The following ZNF329 variants were observed in gnomAD, a reference collection of about 807,000 sequenced individuals.
ZNF329 encodes zinc finger protein 329.
Under a neutral mutation model 26.6 loss-of-function variants are expected in ZNF329, and 15 were observed. The observed-to-expected ratio is 0.56, with a 90% CI of 0.38 to 0.87. The LOEUF is 0.87. ZNF329 is among the 40% of genes least tolerant of loss of function. ZNF329 has a pLI of 0.00. For synonymous variants in ZNF329, 239 were observed against 233.5 expected (o/e 1.02, Z -0.21); for missense variants, 651 against 651.9 (o/e 1.00, Z 0.02).
At chr19:58,147,787 C>A (rs1269550810) in intron 1 of ZNF329, among the ~76,000 whole-genome samples, 7 of 124,708 alleles carry the variant, frequency 5.6e-5, no homozygotes, top group Admixed American at 4.7e-4. Context: ...TCAGCCCCCC[C>A]ACCCGGCCAG....
intron 1 of ZNF329, among the ~76,000 whole-genome samples, chr19:58,150,224 A>G (rs888154599): frequency 3.3e-5 from 5 of 152,220 alleles, no homozygotes; most frequent in African/African-American, 7.2e-5. Flanking sequence ...GATTTTGCAA[A>G]TATCAAATGG....
intron 1 of ZNF329, among the ~76,000 whole-genome samples, chr19:58,149,639 G>A (rs1019275760): frequency 6.6e-6 from 1 of 151,960 alleles, no homozygotes; most frequent in Admixed American, 6.6e-5. Flanking sequence ...CACTTGCTGT[G>A]GGAAAAAAGA....
intron 1 of ZNF329, among the ~76,000 whole-genome samples, chr19:58,143,551 C>G (rs2075233080): frequency 1.3e-5 from 2 of 152,170 alleles, no homozygotes; most frequent in Admixed American, 1.3e-4. Context: ...CCTTAAAGTT[C>G]CAGTAAGCAA....
intron 3 of ZNF329, among the ~76,000 whole-genome samples, chr19:58,131,687 CAAAGT>C (rs2074947589): frequency 1.3e-5 from 2 of 151,916 alleles, no homozygotes; most frequent in Non-Finnish European, 2.9e-5. Context: ...AAAAAATGGG[CAAAGT>C]AATCAAAGAG....
intron 1 of ZNF329, among the ~76,000 whole-genome samples, chr19:58,147,563 G>A (rs1285126781): frequency 9.9e-5 from 13 of 131,228 alleles, no homozygotes; most frequent in African/African-American, 1.6e-4. Flanking sequence ...TCAGCCCCCC[G>A]CCCGGCCAGC....
chr19:58,141,165 C>T (rs1046049654), intron 3 of ZNF329, among the ~76,000 whole-genome samples: 2 of 145,418 alleles, frequency 1.4e-5, no homozygotes, highest in African/African-American at 2.5e-5. Flanking sequence ...CTAAATTTTT[C>T]TTTTTTTTTT....
upstream of ZNF329, among the ~76,000 whole-genome samples, chr19:58,154,228 A>T (rs1234943855): frequency 6.6e-6 from 1 of 152,058 alleles, no homozygotes; most frequent in Non-Finnish European, 1.5e-5. Context: ...AGGCTGGTCT[A>T]CAACCCCTGA....
chr19:58,145,314 CTTTTTTTT>C (rs71188087), intron 1 of ZNF329, among the ~76,000 whole-genome samples: 65 of 106,176 alleles, frequency 6.1e-4, no homozygotes, highest in Admixed American at 2.1e-3. Context: ...TTTTTTCTTC[CTTTTTTTT>C]TTTTTTTTTT....
chr19:58,138,536 C>A (rs2075119169), intron 3 of ZNF329, among the ~76,000 whole-genome samples: 2 of 152,172 alleles, frequency 1.3e-5, no homozygotes, highest in Non-Finnish European at 2.9e-5. Context: ...AGGACCCCTC[C>A]CGTGGAAAGG....
At chr19:58,143,534 G>A (rs931958821) in intron 1 of ZNF329, among the ~76,000 whole-genome samples, 5 of 152,126 alleles carry the variant, frequency 3.3e-5, no homozygotes, top group African/African-American at 1.2e-4. Flanking sequence ...CCAAAGTCAA[G>A]GCTCCTCCTT....
At position 58,128,825 on chromosome 19, in the gene ZNF329, C is replaced by T. The variant is rs539267795; in HGVS notation, c.679G>A (p.Gly227Arg). 27 of 1,607,832 alleles carry T rather than the reference C, an allele frequency of 1.7e-5. No homozygotes were observed. The Admixed American group carries it at 1.7e-4, about 10-fold the overall frequency. ...TCATTACAAGTATAAGGCTTCTCTC[C>T]GGTGTGAGTTCGGTGATGCAAAACA... is the stretch of plus-strand genomic sequence containing the variant. ...SLVLHHRTHT[G>R]EKPYTCNECG... Residue 227 changes from glycine (G) to arginine (R), a missense_variant, in exon 4 of 4, where the codon GGA becomes AGA. Physicochemically the swap from Gly to Arg is moderately radical, Grantham distance 125 (BLOSUM62 -2). Transcript: ENST00000598312.
intron 1 of ZNF329, among the ~76,000 whole-genome samples, chr19:58,144,352 A>ATATCTATCTATC (rs112779820): frequency 6.6e-4 from 87 of 132,430 alleles, no homozygotes; most frequent in South Asian, 9.6e-4. Flanking sequence ...TTTTACATCT[A>ATATCTATCTATC]TATCTATCTA....
intron 3 of ZNF329, among the ~76,000 whole-genome samples, chr19:58,139,758 C>T (rs1278280614): frequency 6.6e-6 from 1 of 152,042 alleles, no homozygotes; most frequent in African/African-American, 2.4e-5. Context: ...ATACAAATGG[C>T]CAATGAGCAC....
Position 58,128,572 on chromosome 19 carries a change from C to T in ZNF329, c.932G>A (p.Gly311Glu). 2 of 1,613,952 alleles carry T rather than the reference C, an allele frequency of 1.2e-6. No homozygotes were observed. Among genetic ancestry groups the T allele is most frequent in the South Asian group, 2.2e-5 (2 of 91,074 alleles). ...SLILHQRTHT[G>E]EKPYRCNECG... ...TTCGTTACATCTATATGGTTTTTCC[C>T]CTGTATGAGTTCTTTGGTGCAAAAT... Residue 311 changes from glycine (G) to glutamate (E), a missense_variant, in exon 4 of 4, where the codon GGG (glycine) becomes GAG (glutamate). Transcript: ENST00000598312.
upstream of ZNF329, among the ~76,000 whole-genome samples, chr19:58,154,389 T>A (rs543689278): frequency 2.8e-4 from 42 of 152,252 alleles, no homozygotes; most frequent in African/African-American, 1.0e-3. Context: ...ACACAGCACT[T>A]GCGCCCAGGG....
At chr19:58,151,951 A>G (rs1302802517), upstream of ZNF329, among the ~76,000 whole-genome samples, 1 of 152,208 alleles carries the variant, frequency 6.6e-6, no homozygotes, top group East Asian at 1.9e-4. Context: ...CATGGGTGTC[A>G]TCTTTATTAT....
At chr19:58,146,927 T>G (rs78968038) in intron 1 of ZNF329, among the ~76,000 whole-genome samples, 1 of 151,914 alleles carries the variant, frequency 6.6e-6, no homozygotes, top group South Asian at 2.1e-4. Flanking sequence ...GCCACCTGCC[T>G]TGGCCTCCCA....
Position 58,127,762 on chromosome 19 carries a change from T to C in ZNF329, c.*116A>G. 1.9e-6 allele frequency: 2 copies of C among 1,042,310 alleles called. No homozygotes were observed. Among genetic ancestry groups the C allele is most frequent in the South Asian group, 3.5e-5 (2 of 57,380 alleles). 64.6% of individuals were successfully genotyped at this position (1,042,310 alleles called of 1,614,324 possible). On this transcript the variant is annotated 3_prime_UTR_variant, in exon 4 of 4. Transcript: ENST00000598312. ...CTCAGCAATGTCTCACATTCATCAA[T>C]TCACTGGATAGCTTAAAGGATTCTT...
chr19:58,132,913 C>T lies in ZNF329; in HGVS notation c.-8-3402G>A, dbSNP rs377238897. Among the ~76,000 whole-genome samples, 23 of 151,972 alleles carry T rather than the reference C, an allele frequency of 1.5e-4. 1 individual carries two copies. In the East Asian group the frequency reaches 3.9e-3, roughly 26 times the overall value. ...CAGCAAGCTCCGCCTCCCAGGTTCA[C>T]GCCATTCTCCTGCCTCAGCCTCCCC... On this transcript the variant is annotated intron_variant, in intron 3 of 3. Transcript: ENST00000598312.
Sources: allele counts gnomAD v4.1 joint callset (sites outside exome capture counted in the v4.1 genomes callset), GRCh38; gene constraint gnomAD v4.1.1; transcripts MANE v1.5; gene names NCBI Gene and HGNC (gene_info 2026-07-23, HGNC 2026-07-21).